EPHA7: variants seen among roughly 807,000 people sequenced by gnomAD.
EPHA7 encodes the protein ephrin type-A receptor 7.
In EPHA7, 25 loss-of-function variants were observed where a neutral mutation model predicts 112.6. The observed-to-expected ratio is 0.22, with a 90% confidence interval of 0.16 to 0.31. EPHA7 has a LOEUF of 0.31. EPHA7 is among the 10% of genes least tolerant of loss of function. The pLI is 1.00. For synonymous variants in EPHA7, 437 were observed against 406.5 expected (o/e 1.07, Z -0.90); for missense variants, 962 against 1,212.6 (o/e 0.79, Z 3.07).
chr6:93,320,887 C>T, intron 5 of EPHA7, among the ~76,000 whole-genome samples: 1 of 151,840 alleles, frequency 6.6e-6, no homozygotes, highest in Admixed American at 6.6e-5. Context: ...CAGAAATTTT[C>T]AAAAATAATT....
At chr6:93,261,603 A>G (rs1770692110) in intron 9 of EPHA7, among the ~76,000 whole-genome samples, 1 of 151,594 alleles carries the variant, frequency 6.6e-6, no homozygotes. Context: ...ATGTTTTAAA[A>G]TAAGGAAAAT....
At chr6:93,369,707 G>C (rs181043677) in intron 3 of EPHA7, among the ~76,000 whole-genome samples, 60 of 152,140 alleles carry the variant, frequency 3.9e-4, no homozygotes, top group Non-Finnish European at 1.2e-4. Flanking sequence ...TCAAGTTCAG[G>C]GATTATAATA....
Position 93,244,301 on chromosome 6 carries a change from A to T in EPHA7, c.2883-761T>A, listed in dbSNP as rs148911886. The stretch of plus-strand genomic sequence containing the variant: ...TTGCTTTGGGGACCCAAGTGTAAAA[A>T]TGCCCACATAGTGACTGGAAGAAAA... On this transcript the variant is annotated intron_variant, in intron 16 of 16. Coordinates refer to ENST00000369303, the MANE Select transcript of EPHA7 (RefSeq NM_004440.4). 1.6e-4 allele frequency among the ~76,000 whole-genome samples: 24 copies of T among 152,218 alleles called. No individual in the cohort carries two copies. In the East Asian group the frequency reaches 4.7e-3, roughly 29 times the overall value.
chr6:93,261,953 T>C (rs1399547105), intron 9 of EPHA7, among the ~76,000 whole-genome samples: 9 of 151,626 alleles, frequency 5.9e-5, no homozygotes, highest in Admixed American at 4.6e-4. Flanking sequence ...AACCTGCAAG[T>C]TAAAAGTAAA....
At chr6:93,253,441 A>G (rs1242351789) in intron 14 of EPHA7, among the ~76,000 whole-genome samples, 14 of 131,094 alleles carry the variant, frequency 1.1e-4, no homozygotes, top group Non-Finnish European at 3.3e-5. Flanking sequence ...AACCTTATCA[A>G]CAACATATAA....
chr6:93,279,188 T>G (rs1007648967), intron 5 of EPHA7, among the ~76,000 whole-genome samples: 3 of 152,174 alleles, frequency 2.0e-5, no homozygotes, highest in Admixed American at 1.3e-4. Context: ...TCTTAGCAAT[T>G]TATTTGGTAT....
chr6:93,298,514 CAA>C (rs1316683131), intron 5 of EPHA7, among the ~76,000 whole-genome samples: 2 of 151,806 alleles, frequency 1.3e-5, no homozygotes, highest in African/African-American at 2.4e-5. Context: ...CTGATATATG[CAA>C]AAGAGTTCAC....
chr6:93,401,416 C>T (rs926133849), intron 3 of EPHA7, among the ~76,000 whole-genome samples: 2 of 152,014 alleles, frequency 1.3e-5, no homozygotes, highest in East Asian at 3.9e-4. Context: ...ACATTTGTTT[C>T]AGCTGATGTA....
At chr6:93,291,636 C>G (rs573953627) in intron 5 of EPHA7, among the ~76,000 whole-genome samples, 3 of 148,870 alleles carry the variant, frequency 2.0e-5, no homozygotes, top group Non-Finnish European at 3.0e-5. Context: ...GGCGTAGTGG[C>G]GGGCGCCTGT....
At chr6:93,344,120 TATCTATC>T (rs76209252) in intron 5 of EPHA7, among the ~76,000 whole-genome samples, 29,352 of 150,788 alleles carry the variant, frequency 0.19, 3,431 homozygotes, top group Non-Finnish European at 0.27. Flanking sequence ...TCTATCTATC[TATCTATC>T]ATCTATCATC....
In EPHA7 at chr6:93,359,008, A is replaced by T. The variant is rs942351883; in HGVS notation, c.833-597T>A. Among the ~76,000 whole-genome samples the T allele has an allele frequency of 2.6e-5, 4 of 152,188 alleles. No individual in the cohort carries two copies. In the South Asian group the frequency reaches 6.2e-4, roughly 24 times the overall value. ...TAAGTTATAAGGCAGGCTGGTTTCCACTAAGTGAACTTCTTTGTTACTAAA... is the reference window on the plus strand; with the variant it reads ...TAAGTTATAAGGCAGGCTGGTTTCCTCTAAGTGAACTTCTTTGTTACTAAA... On this transcript the variant is annotated intron_variant, in intron 3 of 16. Coordinates refer to ENST00000369303, the MANE Select transcript of EPHA7 (RefSeq NM_004440.4).
intron 5 of EPHA7, among the ~76,000 whole-genome samples, chr6:93,327,229 A>G (rs1326479518): frequency 2.0e-5 from 3 of 151,558 alleles, no homozygotes; most frequent in Admixed American, 6.6e-5. Flanking sequence ...GGGACAGATC[A>G]TTGCCTCCTC....
At chr6:93,379,040 T>C (rs772562833) in intron 3 of EPHA7, among the ~76,000 whole-genome samples, 22 of 152,096 alleles carry the variant, frequency 1.4e-4, no homozygotes, top group Admixed American at 5.9e-4. Context: ...ATGGCTGAAA[T>C]GAATAAAATT....
intron 3 of EPHA7, among the ~76,000 whole-genome samples, chr6:93,366,363 T>C (rs1292263763): frequency 6.6e-6 from 1 of 152,218 alleles, no homozygotes; most frequent in Non-Finnish European, 1.5e-5. Context: ...CCTTGTTAAC[T>C]CTAACGTGCT....
chr6:93,286,960 C>G (rs1451891010), intron 5 of EPHA7, among the ~76,000 whole-genome samples: 1 of 152,092 alleles, frequency 6.6e-6, no homozygotes, highest in African/African-American at 2.4e-5. Flanking sequence ...TTTTAAAAGA[C>G]TTTCAATAAC....
rs530355686 is a variant in EPHA7, at chr6:93,245,623, A to G, written c.2727-170T>C. Among the ~76,000 whole-genome samples the G allele has an allele frequency of 2.0e-5, 3 of 152,356 alleles. 1 individual carries two copies. The South Asian group carries it at 6.2e-4, about 32-fold the overall frequency. On this transcript the variant is annotated intron_variant, in intron 15 of 16. Coordinates refer to ENST00000369303, the MANE Select transcript of EPHA7 (RefSeq NM_004440.4). Reference sequence around the variant, plus strand: ...AAAAACCTAAAGCATCCAGGAGGCCAGTAACTACAAACTCCTAAATTTACA... The same window carrying G: ...AAAAACCTAAAGCATCCAGGAGGCCGGTAACTACAAACTCCTAAATTTACA...
chr6:93,359,663 G>C (rs1374632079), intron 3 of EPHA7, among the ~76,000 whole-genome samples: 1 of 151,986 alleles, frequency 6.6e-6, no homozygotes, highest in Non-Finnish European at 1.5e-5. Context: ...GAAAACAGTT[G>C]AGTCATCCCT....
At chr6:93,405,620 C>T (rs1778656454) in intron 3 of EPHA7, among the ~76,000 whole-genome samples, 1 of 151,148 alleles carries the variant, frequency 6.6e-6, no homozygotes, top group South Asian at 2.1e-4. Context: ...TGACAAGAAC[C>T]CTATGAGGGT....
At chr6:93,272,536 C>A in intron 5 of EPHA7, 114 bp from the exon 6 acceptor site, 1 of 1,283,142 alleles carries the variant, frequency 7.8e-7, no homozygotes, top group Non-Finnish European at 1.1e-6. Flanking sequence ...TAAAAGAAAG[C>A]ACCTTTTCAT....
Sources: allele counts gnomAD v4.1 joint callset (sites outside exome capture counted in the v4.1 genomes callset), GRCh38; gene constraint gnomAD v4.1.1; transcripts MANE v1.5; gene names NCBI Gene and HGNC (gene_info 2026-07-23, HGNC 2026-07-21).